The following L1TD1 variants were observed in gnomAD, a reference collection of about 807,000 sequenced individuals.
L1TD1 encodes LINE-1 type transposase domain-containing protein 1.
In L1TD1, 26 loss-of-function variants were observed where a neutral mutation model predicts 25.7. The observed-to-expected ratio is 1.01, with a 90% CI of 0.74 to 1.40. The LOEUF (loss-of-function observed/expected upper bound fraction) is 1.40. L1TD1 is among the 40% of genes most tolerant of loss of function. The pLI, the probability that L1TD1 is intolerant of heterozygous loss-of-function variation, is 0.00. For synonymous variants in L1TD1, 421 were observed against 335.6 expected, an observed-to-expected ratio of 1.25 and a Z score of -2.78; for missense variants, 1,130 against 975.0, an observed-to-expected ratio of 1.16 and a Z score of -2.12.
At position 62,210,647 on chromosome 1, in the gene L1TD1, A is replaced by G. The variant is rs1420441876; in HGVS notation, c.1873A>G (p.Ile625Val). 1.9e-6 allele frequency: 3 copies of G among 1,573,104 alleles called. No individual in the cohort carries two copies. Among genetic ancestry groups the G allele is most frequent in the South Asian group, 2.3e-5 (2 of 86,514 alleles). Residue 625 changes from isoleucine (I) to valine (V), a missense_variant, in exon 4 of 4, where the codon ATC (isoleucine) becomes GTC (valine). Coordinates refer to ENST00000498273, the MANE Select transcript of L1TD1 (RefSeq NM_019079.5). ...CTTGAGAAGTAGTGTGATTAATAGCATCAGAGAGATAAAAGAGGAGATTGG... is the reference window on the plus strand; with the variant it reads ...CTTGAGAAGTAGTGTGATTAATAGCGTCAGAGAGATAAAAGAGGAGATTGG... ...ENLRSSVINS[I>V]REIKEEIGNL...
In L1TD1 at chr1:62,210,867, G is replaced by T; in HGVS notation, c.2093G>T (p.Arg698Ile). The T allele has an allele frequency of 6.4e-7, 1 of 1,551,426 alleles. No homozygotes were observed. The highest frequency in any genetic ancestry group is 8.7e-7 in the Non-Finnish European group (1 of 1,146,934). The change falls in exon 4 of 4, where the codon AGA becomes ATA. Residue 698 changes from arginine (R) to isoleucine (I), a missense_variant. Physicochemically the swap from Arg to Ile is moderately conservative, Grantham distance 97. Transcript: ENST00000498273. ...ERQRDIEERS[R>I]SCNIRLIGIP... ...CAAAGAGATATAGAGGAGAGATCTA[G>T]AAGTTGCAACATTCGTTTGATAGGA...
In L1TD1 at chr1:62,206,657, C is replaced by A; in HGVS notation, c.29C>A (p.Ser10Ter). 1.3e-6 allele frequency: 2 copies of A among 1,545,614 alleles called. No homozygotes were observed. Among genetic ancestry groups the A allele is most frequent in the South Asian group, 2.4e-5 (2 of 83,132 alleles). Residue 10 changes from serine to a stop codon, truncating the protein, a stop_gained, in exon 3 of 4, where the codon TCA becomes TAA. Transcript: ENST00000498273. LOFTEE classifies it high-confidence loss of function. MSDVSTSVQSKFARLAKKKE... is the reference protein window; with the variant it reads MSDVSTSVQ ...TCTGATGTATCTACTAGTGTACAAT[C>A]AAAATTTGCTAGACTTGCAAAGAAA...
In L1TD1 at chr1:62,207,456, T is replaced by G; in HGVS notation, c.828T>G (p.Phe276Leu). ...ILRENDFEPKFLCEVKLAFKC... is the reference protein window; with the variant it reads ...ILRENDFEPKLLCEVKLAFKC... ...GAGAAAATGATTTTGAACCTAAATT[T>G]CTGTGTGAAGTTAAATTAGCATTTA... Residue 276 changes from phenylalanine (F) to leucine (L), a missense_variant, in exon 3 of 4, where the codon TTT (phenylalanine) becomes TTG (leucine). Physicochemically the swap from Phe to Leu is conservative, Grantham distance 22. Transcript: ENST00000498273. 1 of 1,551,150 alleles carries G rather than the reference T, an allele frequency of 6.4e-7. No individual in the cohort carries two copies. Among genetic ancestry groups the G allele is most frequent in the South Asian group, 1.2e-5 (1 of 83,998 alleles).
In L1TD1 at chr1:62,210,840, G is replaced by A; in HGVS notation, c.2066G>A (p.Arg689Lys). Residue 689 changes from arginine (R) to lysine (K), a missense_variant, in exon 4 of 4, where the codon AGG (arginine) becomes AAG (lysine). Arg to Lys is a conservative substitution (Grantham distance 26). Coordinates refer to ENST00000498273, the MANE Select transcript of L1TD1 (RefSeq NM_019079.5). ...QMTKQIISKERQRDIEERSRS... is the reference protein window; with the variant it reads ...QMTKQIISKEKQRDIEERSRS... Reference sequence around the variant, plus strand: ...ACCAAACAGATAATTAGTAAAGAAAGGCAAAGAGATATAGAGGAGAGATCT... The same window carrying A: ...ACCAAACAGATAATTAGTAAAGAAAAGCAAAGAGATATAGAGGAGAGATCT... 1 of 1,549,188 alleles carries A rather than the reference G, an allele frequency of 6.5e-7. No individual in the cohort carries two copies. The highest frequency in any genetic ancestry group is 2.4e-5 in the East Asian group (1 of 40,888).
chr1:62,206,605 T>G lies in L1TD1; in HGVS notation c.-24T>G. 7.0e-7 allele frequency: 1 copy of G among 1,436,366 alleles called. No individual in the cohort carries two copies. Among genetic ancestry groups the G allele is most frequent in the Non-Finnish European group, 9.1e-7 (1 of 1,093,118 alleles). 89.0% of individuals were successfully genotyped at this position (1,436,366 alleles called of 1,614,324 possible). Reference sequence around the variant, plus strand: ...CATTCTGTAGGAATTAAAAACAGAATCCAGTCTTGACAACATATCCACAAT... The same window carrying G: ...CATTCTGTAGGAATTAAAAACAGAAGCCAGTCTTGACAACATATCCACAAT... On this transcript the variant is annotated 5_prime_UTR_variant, in exon 3 of 4. Coordinates refer to ENST00000498273, the MANE Select transcript of L1TD1 (RefSeq NM_019079.5).
chr1:62,211,552 A>G lies in L1TD1; in HGVS notation c.*180A>G, dbSNP rs1370970046. 5.7e-6 allele frequency: 6 copies of G among 1,045,830 alleles called. No homozygotes were observed. The highest frequency in any genetic ancestry group is 7.8e-6 in the Non-Finnish European group (6 of 768,706). 64.8% of individuals were successfully genotyped at this position (1,045,830 alleles called of 1,614,324 possible). ...TGTTAATAAAGGGTATGTTTAAAAA[A>G]AATAGGCTGGTCTCAATGTAGTGAG... On this transcript the variant is annotated 3_prime_UTR_variant, in exon 4 of 4. Coordinates refer to ENST00000498273, the MANE Select transcript of L1TD1 (RefSeq NM_019079.5).
At chr1:62,201,535 A>T (rs1670639507) in intron 2 of L1TD1, among the ~76,000 whole-genome samples, 1 of 151,654 alleles carries the variant, frequency 6.6e-6, no homozygotes, top group Non-Finnish European at 1.5e-5. Flanking sequence ...ACATCAATAA[A>T]AGTAAGAACT....
chr1:62,210,044 T>C lies in L1TD1; in HGVS notation c.1270T>C (p.Leu424=), dbSNP rs564782024. The C allele has an allele frequency of 1.2e-5, 19 of 1,611,716 alleles. No individual in the cohort carries two copies. The highest frequency in any genetic ancestry group is 1.5e-5 in the Non-Finnish European group (18 of 1,178,870). ...EEEEEEEASG[L]EEDEASGLEE... ...GGAAGAAGAAGAAGAGGCTTCAGGG[T>C]TGGAGGAGGATGAGGCCTCAGGGCT... is the stretch of plus-strand genomic sequence containing the variant. Residue 424 remains leucine (L), a synonymous_variant, in exon 4 of 4, where the codon TTG becomes CTG. Coordinates refer to ENST00000498273, the MANE Select transcript of L1TD1 (RefSeq NM_019079.5).
At position 62,211,361 on chromosome 1, in the gene L1TD1, A is replaced by G. The variant is rs781511359; in HGVS notation, c.2587A>G (p.Asn863Asp). The G allele has an allele frequency of 2.5e-6, 4 of 1,603,216 alleles. No homozygotes were observed. Among genetic ancestry groups the G allele is most frequent in the South Asian group, 1.1e-5 (1 of 88,928 alleles). ...MPTLRELLGN[N>D]IP ...CACCTTGAGAGAATTACTGGGGAAT[A>G]ATATACCTTAGCACGCCAGGGTGAC... Residue 863 changes from asparagine (N) to aspartate (D), a missense_variant, in exon 4 of 4, where the codon AAT becomes GAT. Physicochemically the swap from Asn to Asp is conservative, Grantham distance 23. Transcript: ENST00000498273.
chr1:62,210,948 T>C lies in L1TD1; in HGVS notation c.2174T>C (p.Ile725Thr), dbSNP rs1053641988. 59 of 1,545,466 alleles carry C rather than the reference T, an allele frequency of 3.8e-5. No homozygotes were observed. The highest frequency in any genetic ancestry group is 8.1e-5 in the Admixed American group (4 of 49,296). Reference sequence around the variant, plus strand: ...GCAGAGGACATAATTAAAGAAATAATTGATGAAAACTTTGCAGAACTAAAG... The same window carrying C: ...GCAGAGGACATAATTAAAGAAATAACTGATGAAAACTTTGCAGAACTAAAG... ...NRAEDIIKEI[I>T]DENFAELKKG... The change falls in exon 4 of 4, where the codon ATT (isoleucine) becomes ACT (threonine). Residue 725 changes from isoleucine to threonine, a missense_variant. By Grantham distance (89) the Ile-to-Thr change is moderately conservative (BLOSUM62 -1). Transcript: ENST00000498273.
chr1:62,197,398 TATATATA>T (rs1172358454), intron 2 of L1TD1, among the ~76,000 whole-genome samples: 8 of 106,396 alleles, frequency 7.5e-5, no homozygotes, highest in African/African-American at 1.3e-4. Flanking sequence ...AAAAATAAAT[TATATATA>T]TATATATATA....
In L1TD1 at chr1:62,210,612, C is replaced by T. The variant is rs2886644; in HGVS notation, c.1838C>T (p.Thr613Ile). ...TSKEADLTEE[T>I]EENLRSSVIN... ...AAAGAAGCAGACTTAACAGAGGAAA[C>T]AGAAGAAAACTTGAGAAGTAGTGTG... is the stretch of plus-strand genomic sequence containing the variant. The change falls in exon 4 of 4, where the codon ACA becomes ATA. Residue 613 changes from threonine (T) to isoleucine (I), a missense_variant. Coordinates refer to ENST00000498273, the MANE Select transcript of L1TD1 (RefSeq NM_019079.5). 0.24 allele frequency: 392,950 copies of T among 1,603,960 alleles called. 50,754 individuals carry two copies. The highest frequency in any genetic ancestry group is 0.3 in the Middle Eastern group (1,814 of 6,046).
chr1:62,210,971 A>T lies in L1TD1; in HGVS notation c.2197A>T (p.Lys733Ter). ...EIIDENFAEL[K>*]KGSSLEIVSA... is the part of the protein sequence containing the mutation. ...AATTGATGAAAACTTTGCAGAACTAAAGAAAGGTTCAAGTCTTGAGATTGT... is the reference window on the plus strand; with the variant it reads ...AATTGATGAAAACTTTGCAGAACTATAGAAAGGTTCAAGTCTTGAGATTGT... The change falls in exon 4 of 4, where the codon AAG becomes TAG. Residue 733 changes from lysine (K) to a stop codon, truncating the protein, a stop_gained. Coordinates refer to ENST00000498273, the MANE Select transcript of L1TD1 (RefSeq NM_019079.5). LOFTEE classifies it low-confidence loss of function (END_TRUNC). 1 of 1,545,676 alleles carries T rather than the reference A, an allele frequency of 6.5e-7. No homozygotes were observed. The highest frequency in any genetic ancestry group is 2.4e-5 in the East Asian group (1 of 40,892).
rs1256403305 is a variant in L1TD1 at position 62,203,429 on chromosome 1, C to CT, written c.-110-3080dup. ...GCTCTGGTAACTATCATTCTACTCT[C>CT]TTTTTTTTTTGAGACAGGGTCTCAC... On this transcript the variant is annotated intron_variant, in intron 2 of 3. Coordinates refer to ENST00000498273, the MANE Select transcript of L1TD1 (RefSeq NM_019079.5). Among the ~76,000 whole-genome samples, 1,032 of 149,562 alleles carry CT rather than the reference C, an allele frequency of 6.9e-3. 10 individuals carry two copies. The highest frequency in any genetic ancestry group is 0.019 in the African/African-American group (779 of 40,872).
At position 62,210,821 on chromosome 1, in the gene L1TD1, CA is replaced by C; in HGVS notation, c.2048del (p.Gln683ArgfsTer2). ...FSKDTMQMTK[Q>X]IISKERQRDI... ...TAAGGATACAATGCAAATGACCAAA[CA>C]GATAATTAGTAAAGAAAGGCAAAGA... On this transcript the variant is annotated frameshift_variant, in exon 4 of 4. Transcript: ENST00000498273. LOFTEE classifies it low-confidence loss of function (END_TRUNC). The C allele has an allele frequency of 6.5e-7, 1 of 1,549,186 alleles. No homozygotes were observed. The highest frequency in any genetic ancestry group is 1.2e-5 in the South Asian group (1 of 83,308).
intron 3 of L1TD1, among the ~76,000 whole-genome samples, chr1:62,209,140 C>T (rs1570930860): frequency 6.6e-6 from 1 of 152,200 alleles, no homozygotes; most frequent in African/African-American, 2.4e-5. Context: ...GCCATTAGAC[C>T]CTGCTTTATA....
In L1TD1 at chr1:62,196,431, C is replaced by T. The variant is rs972861300; in HGVS notation, c.-204-4C>T. The T allele has an allele frequency of 6.6e-6, 1 of 152,102 alleles. No individual in the cohort carries two copies. Among genetic ancestry groups the T allele is most frequent in the Non-Finnish European group, 1.5e-5 (1 of 68,040 alleles). 9.4% of individuals were successfully genotyped at this position (152,102 alleles called of 1,614,324 possible). A position where few individuals can be genotyped will look rare whatever the true frequency, so the allele number is the denominator to read the frequency against. On this transcript the variant is annotated splice_polypyrimidine_tract_variant and splice_region_variant and intron_variant, in intron 1 of 3. Transcript: ENST00000498273. Reference sequence around the variant, plus strand: ...TGGTGTTATGAACTTGACTTGAATTCTAGGCACCAAGGCACAGCTTAGAGT... The same window carrying T: ...TGGTGTTATGAACTTGACTTGAATTTTAGGCACCAAGGCACAGCTTAGAGT...
chr1:62,204,189 G>A (rs1440596675), intron 2 of L1TD1, among the ~76,000 whole-genome samples: 1 of 151,994 alleles, frequency 6.6e-6, no homozygotes, highest in East Asian at 1.9e-4. Flanking sequence ...TTTGTATTTT[G>A]GTTTTGTTAA....
Position 62,210,084 on chromosome 1 carries a change from A to G in L1TD1, c.1310A>G (p.Glu437Gly). 9.3e-6 allele frequency: 15 copies of G among 1,614,090 alleles called. No individual in the cohort carries two copies. The highest frequency in any genetic ancestry group is 1.3e-5 in the Non-Finnish European group (15 of 1,180,020). ...DEASGLEEEE[E>G]QTSEQDSTFQ... ...GCCTCAGGGCTAGAGGAGGAAGAGG[A>G]ACAGACTTCAGAACAGGACTCAACC... Residue 437 changes from glutamate (E) to glycine (G), a missense_variant, in exon 4 of 4, where the codon GAA becomes GGA. Coordinates refer to ENST00000498273, the MANE Select transcript of L1TD1 (RefSeq NM_019079.5).
Sources: allele counts gnomAD v4.1 joint callset (sites outside exome capture counted in the v4.1 genomes callset), GRCh38; gene constraint gnomAD v4.1.1; transcripts MANE v1.5; gene names NCBI Gene and HGNC (gene_info 2026-07-23, HGNC 2026-07-21).